Variants in XKR4 observed in about 807,000 individuals in gnomAD.
The protein encoded by XKR4 is XK related 4.
A neutral mutation model predicts 53.9 loss-of-function variants in XKR4; 12 were observed. That is an observed-to-expected ratio of 0.22 (90% CI 0.14 to 0.36). The LOEUF is 0.36. Ranked by LOEUF, XKR4 falls within the 10% of genes least tolerant of loss-of-function variation. XKR4 has a pLI of 1.00. For synonymous variants in XKR4, 354 were observed against 362.4 expected, an observed-to-expected ratio of 0.98 and a Z score of 0.26; for missense variants, 799 against 859.5, an observed-to-expected ratio of 0.93 and a Z score of 0.88.
At position 55,526,164 on chromosome 8, in the gene XKR4, A is replaced by T. The variant is rs1254609238; in HGVS notation, c.*1937A>T. The stretch of plus-strand genomic sequence containing the variant: ...GTCAAACCACTAAAAAAGAAAAAGA[A>T]AAAAGTTTAACTTAATTATTCGGTT... On this transcript the variant is annotated 3_prime_UTR_variant, in exon 3 of 3. Coordinates refer to ENST00000327381, the MANE Select transcript of XKR4 (RefSeq NM_052898.2). 6.6e-6 allele frequency: 1 copy of T among 152,658 alleles called. No homozygotes were observed. The highest frequency in any genetic ancestry group is 2.4e-5 in the African/African-American group (1 of 41,462). 9.5% of individuals were successfully genotyped at this position (152,658 alleles called of 1,614,324 possible).
Position 55,528,250 on chromosome 8 carries a change from T to C in XKR4, c.*4023T>C, listed in dbSNP as rs1292455240. 6.6e-6 allele frequency: 1 copy of C among 152,242 alleles called. No individual in the cohort carries two copies. The highest frequency in any genetic ancestry group is 1.5e-5 in the Non-Finnish European group (1 of 68,040). The allele number at this position is 152,242 out of a possible 1,614,324, so 9.4% of individuals were successfully genotyped here. A position where few individuals can be genotyped will look rare whatever the true frequency, so the allele number is the denominator to read the frequency against. ...ATAATTCAGCACTTCTTAGCTCGAA[T>C]GAGTTTTATCACTTCTTAAGGATCT... On this transcript the variant is annotated 3_prime_UTR_variant, in exon 3 of 3. Coordinates refer to ENST00000327381, the MANE Select transcript of XKR4 (RefSeq NM_052898.2).
Position 55,530,160 on chromosome 8 carries a change from G to T in XKR4, c.*5933G>T, listed in dbSNP as rs1332439362. ...GGGAAGGAAGAAGGAAGGAAGGAAG[G>T]AAGGAAGGAAGGAAGGAAGGAAGGA... On this transcript the variant is annotated 3_prime_UTR_variant, in exon 3 of 3. Coordinates refer to ENST00000327381, the MANE Select transcript of XKR4 (RefSeq NM_052898.2). 5.3e-5 allele frequency: 3 copies of T among 56,666 alleles called. No homozygotes were observed. Among genetic ancestry groups the T allele is most frequent in the Non-Finnish European group, 1.2e-4 (3 of 25,810 alleles). The allele number at this position is 56,666 out of a possible 1,614,324, so 3.5% of individuals were successfully genotyped here. A position where few individuals can be genotyped will look rare whatever the true frequency, so the allele number is the denominator to read the frequency against.
At chr8:55,279,897 G>T (rs750494515) in intron 1 of XKR4, among the ~76,000 whole-genome samples, 1 of 152,160 alleles carries the variant, frequency 6.6e-6, no homozygotes, top group Admixed American at 6.5e-5. Context: ...CCATACATTT[G>T]CTCTTCTCTT....
chr8:55,319,147 G>A (rs544502776), intron 1 of XKR4, among the ~76,000 whole-genome samples: 3 of 152,116 alleles, frequency 2.0e-5, no homozygotes, highest in African/African-American at 7.2e-5. Context: ...GAAATACACT[G>A]ACAAAAATTC....
chr8:55,292,535 C>G (rs1420859275), intron 1 of XKR4, among the ~76,000 whole-genome samples: 4 of 152,082 alleles, frequency 2.6e-5, no homozygotes, highest in African/African-American at 9.7e-5. Context: ...TGTGTGTTCT[C>G]TCTTTTTTTA....
At chr8:55,477,028 C>G (rs2129400726) in intron 2 of XKR4, among the ~76,000 whole-genome samples, 1 of 152,246 alleles carries the variant, frequency 6.6e-6, no homozygotes, top group South Asian at 2.1e-4. Flanking sequence ...CCCTGTCTGA[C>G]AGCTTTGAAG....
intron 1 of XKR4, among the ~76,000 whole-genome samples, chr8:55,105,550 G>C (rs1563457483): frequency 1.3e-5 from 2 of 152,118 alleles, no homozygotes; most frequent in Admixed American, 6.5e-5. Flanking sequence ...GATCATCTAG[G>C]AGGAATATTG....
rs559120612 is a variant in XKR4, at chr8:55,530,805, C to T, written c.*6578C>T. ...TTATCACTTTATTTTATAGATGAGA[C>T]AACTGAGATCCAAAAAGAACAGGTA... On this transcript the variant is annotated 3_prime_UTR_variant, in exon 3 of 3. Coordinates refer to ENST00000327381, the MANE Select transcript of XKR4 (RefSeq NM_052898.2). 20 of 152,116 alleles carry T rather than the reference C, an allele frequency of 1.3e-4. No individual in the cohort carries two copies. The highest frequency in any genetic ancestry group is 4.8e-4 in the African/African-American group (20 of 41,510). 9.4% of individuals were successfully genotyped at this position (152,116 alleles called of 1,614,324 possible).
chr8:55,178,343 C>T (rs916157997), intron 1 of XKR4, among the ~76,000 whole-genome samples: 1 of 152,132 alleles, frequency 6.6e-6, no homozygotes, highest in Non-Finnish European at 1.5e-5. Flanking sequence ...CTTGGGCTGA[C>T]AGCTTAAACT....
At chr8:55,393,751 T>C (rs537784324) in intron 2 of XKR4, among the ~76,000 whole-genome samples, 1 of 152,300 alleles carries the variant, frequency 6.6e-6, no homozygotes, top group Non-Finnish European at 1.5e-5. Context: ...AACATAGAAG[T>C]TGAGTTGGTA....
intron 2 of XKR4, among the ~76,000 whole-genome samples, chr8:55,522,496 A>T (rs1806812099): frequency 6.6e-6 from 1 of 152,208 alleles, no homozygotes; most frequent in African/African-American, 2.4e-5. Context: ...TATTTTTAAG[A>T]ATGCATAAAC....
intron 1 of XKR4, among the ~76,000 whole-genome samples, chr8:55,346,760 A>AT (rs1203528612): frequency 2.6e-5 from 4 of 151,606 alleles, no homozygotes; most frequent in Non-Finnish European, 5.9e-5. Context: ...ACAGAAGAAA[A>AT]TATCACTTGC....
intron 1 of XKR4, among the ~76,000 whole-genome samples, chr8:55,173,659 C>T (rs1817193219): frequency 1.3e-5 from 2 of 152,140 alleles, no homozygotes; most frequent in South Asian, 4.1e-4. Context: ...AAGTGTTGAA[C>T]TCACATAGGT....
rs370738908 is a variant in XKR4 at position 55,414,607 on chromosome 8, A to T, written c.1006+56730A>T. 5.3e-5 allele frequency among the ~76,000 whole-genome samples: 8 copies of T among 151,576 alleles called. No homozygotes were observed. The South Asian group carries it at 6.3e-4, about 12-fold the overall frequency. On this transcript the variant is annotated intron_variant, in intron 2 of 2. Coordinates refer to ENST00000327381, the MANE Select transcript of XKR4 (RefSeq NM_052898.2). ...ATCTCAGATGTACTATATTCTATTT[A>T]AGTCCAGCCCACAACTAAGGAAAGG...
At chr8:55,350,472 A>T (rs1803709504) in intron 1 of XKR4, among the ~76,000 whole-genome samples, 1 of 152,230 alleles carries the variant, frequency 6.6e-6, no homozygotes, top group Non-Finnish European at 1.5e-5. Context: ...CCCATCTAAA[A>T]GTAAAGTTTG....
At chr8:55,223,280 T>C (rs1019370544) in intron 1 of XKR4, among the ~76,000 whole-genome samples, 2 of 152,240 alleles carry the variant, frequency 1.3e-5, no homozygotes, top group East Asian at 3.8e-4. Context: ...TCCAGATCTA[T>C]AGATGCCTCC....
intron 2 of XKR4, among the ~76,000 whole-genome samples, chr8:55,443,707 G>A (rs1177320577): frequency 6.6e-6 from 1 of 151,378 alleles, no homozygotes. Flanking sequence ...CGGGCATGGT[G>A]GCCTGTGCCT....
intron 2 of XKR4, among the ~76,000 whole-genome samples, chr8:55,475,750 A>G (rs1262553500): frequency 1.3e-5 from 2 of 151,614 alleles, no homozygotes; most frequent in Non-Finnish European, 2.9e-5. Flanking sequence ...TTATAGGCGC[A>G]CACCACCACG....
intron 1 of XKR4, among the ~76,000 whole-genome samples, chr8:55,184,360 G>A (rs140196676): frequency 4.2e-4 from 64 of 152,222 alleles, no homozygotes; most frequent in African/African-American, 1.5e-3. Context: ...TAGATGTCTC[G>A]CAGATAATTT....
Sources: gnomAD v4.1 joint callset for allele counts (sites outside exome capture counted in the v4.1 genomes callset) on GRCh38, gnomAD v4.1.1 for gene constraint, MANE v1.5 for transcripts, NCBI Gene and HGNC (gene_info 2026-07-23, HGNC 2026-07-21) for gene names.